Variants in CPNE4 observed in about 807,000 individuals in gnomAD.
CPNE4 encodes the protein copine 4.
A neutral mutation model predicts 67.9 loss-of-function variants in CPNE4; 25 were observed. The observed-to-expected ratio is 0.37, with a 90% CI of 0.27 to 0.51. The LOEUF (loss-of-function observed/expected upper bound fraction) is 0.51, where lower values mean the gene tolerates loss of function less well. CPNE4 is among the 20% of genes least tolerant of loss of function. CPNE4 has a pLI of 0.93. For missense variants in CPNE4, 464 were observed against 690.8 expected (o/e 0.67, Z 3.68); for synonymous variants, 242 against 244.9 (o/e 0.99, Z 0.11).
At chr3:131,716,403 T>C (rs2081686785) in intron 3 of CPNE4, among the ~76,000 whole-genome samples, 1 of 152,068 alleles carries the variant, frequency 6.6e-6, no homozygotes, top group African/African-American at 2.4e-5. Context: ...TTTAAAACAA[T>C]TTTTACTTAA....
At chr3:131,567,554 G>C (rs970558831) in intron 10 of CPNE4, among the ~76,000 whole-genome samples, 3 of 151,876 alleles carry the variant, frequency 2.0e-5, no homozygotes, top group African/African-American at 7.2e-5. Flanking sequence ...TTGCACCCCA[G>C]GTACGTCTCT....
intron 9 of CPNE4, among the ~76,000 whole-genome samples, chr3:131,579,148 A>G (rs943018140): frequency 3.3e-5 from 5 of 152,208 alleles, no homozygotes; most frequent in Non-Finnish European, 7.3e-5. Flanking sequence ...AGTGGAAGCC[A>G]ATGTTCATTT....
intron 7 of CPNE4, among the ~76,000 whole-genome samples, chr3:131,610,799 G>C (rs1319209799): frequency 1.3e-5 from 2 of 152,142 alleles, no homozygotes; most frequent in African/African-American, 4.8e-5. Flanking sequence ...CAGAAGGTCA[G>C]GGAAGACTTC....
chr3:131,646,501 T>C, intron 7 of CPNE4, among the ~76,000 whole-genome samples: 1 of 152,256 alleles, frequency 6.6e-6, no homozygotes, highest in African/African-American at 2.4e-5. Flanking sequence ...CCCCCATGTT[T>C]CTAAGGTCCA....
At chr3:131,721,547 C>T (rs1452666044) in intron 3 of CPNE4, among the ~76,000 whole-genome samples, 1 of 152,004 alleles carries the variant, frequency 6.6e-6, no homozygotes, top group Non-Finnish European at 1.5e-5. Flanking sequence ...AGGCACCTGC[C>T]ACCACACCCG....
Position 131,550,003 on chromosome 3 carries a change from T to C in CPNE4, c.1246A>G (p.Ile416Val). The C allele has an allele frequency of 6.2e-7, 1 of 1,613,260 alleles. No homozygotes were observed. The highest frequency in any genetic ancestry group is 2.2e-5 in the East Asian group (1 of 44,840). The change falls in exon 14 of 16, where the codon ATC (isoleucine) becomes GTC (valine). Residue 416 changes from isoleucine (I) to valine (V), a missense_variant. Physicochemically the swap from Ile to Val is conservative, Grantham distance 29. Transcript: ENST00000429747. The part of the protein sequence containing the change: ...QLYGPTNIAP[I>V]IQKVAKSASE... ...GCTGACTTGGCAACCTTCTGGATGA[T>C]GGGGGCAATGTTGGTGGGACCGTAG... is the stretch of plus-strand genomic sequence containing the variant.
At chr3:131,881,397 C>T (rs1305475860) in intron 2 of CPNE4, among the ~76,000 whole-genome samples, 1 of 152,142 alleles carries the variant, frequency 6.6e-6, no homozygotes, top group Non-Finnish European at 1.5e-5. Context: ...AAACCACTAA[C>T]TCAAATTCTG....
intron 1 of CPNE4, among the ~76,000 whole-genome samples, chr3:132,001,957 T>G (rs563738556): frequency 6.6e-6 from 1 of 152,108 alleles, no homozygotes. Flanking sequence ...GGTTTTGTGT[T>G]TTTTTCCTAT....
chr3:131,871,467 G>T (rs2087199168), intron 2 of CPNE4, among the ~76,000 whole-genome samples: 8 of 151,980 alleles, frequency 5.3e-5, no homozygotes, highest in Admixed American at 5.2e-4. Context: ...GAGCAGAGTT[G>T]CTGACATCTT....
chr3:131,728,353 A>G (rs946333806), intron 2 of CPNE4, among the ~76,000 whole-genome samples: 1 of 152,222 alleles, frequency 6.6e-6, no homozygotes, highest in African/African-American at 2.4e-5. Flanking sequence ...CACAACTTGT[A>G]GGTAGCAGAG....
In CPNE4 at chr3:131,924,012, A is replaced by G. The variant is rs570298483; in HGVS notation, c.-1-18568T>C. Among the ~76,000 whole-genome samples the G allele has an allele frequency of 2.0e-5, 3 of 152,282 alleles. No homozygotes were observed. In the South Asian group the frequency reaches 6.2e-4, roughly 32 times the overall value. On this transcript the variant is annotated intron_variant, in intron 1 of 15. Transcript: ENST00000429747. ...CTCTTACGTGGCCCAGCTTAATTCA[A>G]CAGAACAGGAGACTCAAGAGAGATT...
At chr3:131,570,325 TTA>T (rs71923743) in intron 10 of CPNE4, among the ~76,000 whole-genome samples, 13,537 of 150,680 alleles carry the variant, frequency 0.09, 1,242 homozygotes, top group African/African-American at 0.24. Context: ...ATTTATTTAT[TTA>T]TTTATTTTTT....
chr3:131,906,463 T>C (rs886679252), intron 1 of CPNE4, among the ~76,000 whole-genome samples: 2 of 142,902 alleles, frequency 1.4e-5, no homozygotes, highest in African/African-American at 5.2e-5. Flanking sequence ...GTCCATGTGT[T>C]CTCATTGTTC....
chr3:131,852,951 G>T (rs1009493814), intron 2 of CPNE4, among the ~76,000 whole-genome samples: 6 of 151,732 alleles, frequency 4.0e-5, no homozygotes, highest in South Asian at 2.1e-4. Flanking sequence ...ACTGTTAAGA[G>T]AAATTTTTTA....
intron 3 of CPNE4, among the ~76,000 whole-genome samples, chr3:131,721,418 C>A (rs201747213): frequency 1.0e-5 from 1 of 100,090 alleles, no homozygotes; most frequent in Non-Finnish European, 1.9e-5. Flanking sequence ...TTTTTTGAGA[C>A]GGAGTCTTGC....
intron 2 of CPNE4, among the ~76,000 whole-genome samples, chr3:131,774,588 T>C (rs9810650): frequency 0.21 from 31,390 of 152,054 alleles, 3,980 homozygotes; most frequent in Middle Eastern, 0.27. Flanking sequence ...AGAGAGGAAA[T>C]TTAAACCCAG....
At chr3:131,560,953 G>A (rs1289949473) in intron 11 of CPNE4, among the ~76,000 whole-genome samples, 2 of 152,012 alleles carry the variant, frequency 1.3e-5, no homozygotes, top group Admixed American at 6.6e-5. Flanking sequence ...AAGGTAGCAC[G>A]TGATTTGAAC....
In CPNE4 at chr3:131,746,032, A is replaced by T. The variant is rs566539199; in HGVS notation, c.181-22407T>A. 6.6e-5 allele frequency among the ~76,000 whole-genome samples: 10 copies of T among 152,120 alleles called. No homozygotes were observed. In the East Asian group the frequency reaches 1.9e-3, roughly 29 times the overall value. On this transcript the variant is annotated intron_variant, in intron 2 of 15. Coordinates refer to ENST00000429747, the MANE Select transcript of CPNE4 (RefSeq NM_130808.3). ...ATCCACGAACATGGCATGTGTCTCT[A>T]TTTACTTAGATCTTCCATTTCTTTC...
intron 7 of CPNE4, among the ~76,000 whole-genome samples, chr3:131,640,095 G>T (rs1049643479): frequency 2.2e-4 from 33 of 152,220 alleles, no homozygotes; most frequent in Non-Finnish European, 4.1e-4. Flanking sequence ...CTGGGAACTG[G>T]AACAAGACAA....
Sources: allele counts gnomAD v4.1 joint callset (sites outside exome capture counted in the v4.1 genomes callset), GRCh38; gene constraint gnomAD v4.1.1; transcripts MANE v1.5; gene names NCBI Gene and HGNC (gene_info 2026-07-23, HGNC 2026-07-21).